Variants in TMEM68 observed in about 807,000 individuals in gnomAD.
The protein encoded by TMEM68 is transmembrane protein 68.
Under a neutral mutation model 36.9 loss-of-function variants are expected in TMEM68, and 25 were observed. That is an observed-to-expected ratio of 0.68 (90% CI 0.49 to 0.95). The LOEUF (loss-of-function observed/expected upper bound fraction) is 0.95, where lower values mean the gene tolerates loss of function less well. TMEM68 is among the 40% of genes least tolerant of loss of function. TMEM68 has a pLI of 0.00. For missense variants in TMEM68, 333 were observed against 392.0 expected (o/e 0.85, Z 1.27); for synonymous variants, 131 against 124.4 (o/e 1.05, Z -0.35).
At chr8:55,747,257 G>A (rs11989392) in intron 5 of TMEM68, 91,079 of 151,958 alleles carry the variant, frequency 0.6, 27,555 homozygotes, top group Admixed American at 0.65. Flanking sequence ...ACCTACTCGG[G>A]AGGCTGAGGC....
intron 1 of TMEM68, among the ~76,000 whole-genome samples, chr8:55,769,266 A>T (rs1811076341): frequency 2.1e-5 from 3 of 144,852 alleles, no homozygotes; most frequent in African/African-American, 2.5e-5. Context: ...GAGGTTATAT[A>T]AGCCGAGATT....
chr8:55,761,602 T>C (rs1053266102), intron 3 of TMEM68: 1 of 152,234 alleles, frequency 6.6e-6, no homozygotes, highest in East Asian at 1.9e-4. Flanking sequence ...GGGTACCACA[T>C]AGACTCCATT....
At chr8:55,769,018 T>TTAAAAA (rs1554556017) in intron 1 of TMEM68, among the ~76,000 whole-genome samples, 4 of 82,090 alleles carry the variant, frequency 4.9e-5, no homozygotes, top group Admixed American at 1.3e-4. Context: ...ACTCTGTCTT[T>TTAAAAA]AAAAAAAAAA....
chr8:55,744,966 A>G, intron 6 of TMEM68, 95 bp downstream of exon 6: 1 of 733,212 alleles, frequency 1.4e-6, no homozygotes, highest in Non-Finnish European at 2.0e-6. Flanking sequence ...CCATTTTCTA[A>G]AGATAATAAT....
At chr8:55,762,477 T>C (rs1173349754) in intron 3 of TMEM68, 158 bp downstream of exon 3, 2 of 1,375,984 alleles carry the variant, frequency 1.5e-6, no homozygotes, top group South Asian at 3.0e-5. Context: ...GAAAGACACA[T>C]ACATATGCAC....
At position 55,739,653 on chromosome 8, in the gene TMEM68, A is replaced by T. The variant is rs1428500317; in HGVS notation, c.*479T>A. ...CATACGATCATGTTTTTAAAAAGTG[A>T]ATTGTTGAGGCACAAAAACATTACG... On this transcript the variant is annotated 3_prime_UTR_variant, in exon 8 of 8. Transcript: ENST00000434581. The T allele has an allele frequency of 6.6e-6, 1 of 152,632 alleles. No homozygotes were observed. The highest frequency in any genetic ancestry group is 6.5e-5 in the Admixed American group (1 of 15,278). The allele number at this position is 152,632 out of a possible 1,614,324, so 9.5% of individuals were successfully genotyped here.
chr8:55,756,832 G>C (rs1420522622), intron 3 of TMEM68, among the ~76,000 whole-genome samples: 1 of 152,128 alleles, frequency 6.6e-6, no homozygotes, highest in African/African-American at 2.4e-5. Flanking sequence ...TGAAATGGGG[G>C]CATCCACAAC....
rs1403070672 is a variant in TMEM68, at chr8:55,739,908, G to A, written c.*224C>T. ...TAAATTGTTAGGAATTTACAAATAAGACATCTTTTTCTGAATTACTAGGTG... is the reference window on the plus strand; with the variant it reads ...TAAATTGTTAGGAATTTACAAATAAAACATCTTTTTCTGAATTACTAGGTG... On this transcript the variant is annotated 3_prime_UTR_variant, in exon 8 of 8. Transcript: ENST00000434581. 1.1e-5 allele frequency: 5 copies of A among 456,180 alleles called. No individual in the cohort carries two copies. The highest frequency in any genetic ancestry group is 1.0e-4 in the African/African-American group (5 of 49,406). 28.3% of individuals were successfully genotyped at this position (456,180 alleles called of 1,614,324 possible).
At chr8:55,764,182 T>C (rs1296004949) in intron 1 of TMEM68, among the ~76,000 whole-genome samples, 1 of 152,230 alleles carries the variant, frequency 6.6e-6, no homozygotes, top group Admixed American at 6.5e-5. Flanking sequence ...AAGACAACTC[T>C]ACACTGTTTA....
chr8:55,743,199 T>C (rs1810157799), intron 7 of TMEM68, among the ~76,000 whole-genome samples: 1 of 152,146 alleles, frequency 6.6e-6, no homozygotes, highest in Non-Finnish European at 1.5e-5. Flanking sequence ...CAAAAACCTA[T>C]GCATAGGAAT....
At chr8:55,755,361 G>C (rs1271063809) in intron 4 of TMEM68, among the ~76,000 whole-genome samples, 1 of 151,620 alleles carries the variant, frequency 6.6e-6, no homozygotes, top group East Asian at 1.9e-4. Flanking sequence ...CTGCCTTCCG[G>C]GTTCAAGTGA....
At chr8:55,754,808 ATTTATATT>A in intron 4 of TMEM68, among the ~76,000 whole-genome samples, 3 of 121,872 alleles carry the variant, frequency 2.5e-5, no homozygotes, top group Admixed American at 9.9e-5. Context: ...TATAATATAT[ATTTATATT>A]ATATATAAAA....
intron 1 of TMEM68, among the ~76,000 whole-genome samples, chr8:55,771,027 T>C (rs934925906): frequency 8.6e-5 from 13 of 152,016 alleles, no homozygotes; most frequent in African/African-American, 2.9e-4. Context: ...TGGTGGCGCA[T>C]GCCTGTAAAC....
chr8:55,771,571 C>G (rs1215227755), intron 1 of TMEM68, among the ~76,000 whole-genome samples: 1 of 152,030 alleles, frequency 6.6e-6, no homozygotes, highest in East Asian at 1.9e-4. Flanking sequence ...GAGCCGCGAT[C>G]GCGCCACTAC....
chr8:55,765,244 A>G (rs1810928021), intron 1 of TMEM68, among the ~76,000 whole-genome samples: 3 of 152,150 alleles, frequency 2.0e-5, no homozygotes, highest in Admixed American at 2.0e-4. Flanking sequence ...CTCTTCCATT[A>G]AACAACCTTG....
At chr8:55,754,944 TACACACACACACAC>T (rs71256561) in intron 4 of TMEM68, among the ~76,000 whole-genome samples, 7 of 134,896 alleles carry the variant, frequency 5.2e-5, no homozygotes, top group Admixed American at 8.5e-5. Context: ...TATATATTTA[TACACACACACACAC>T]ACACACACAC....
chr8:55,769,584 G>C (rs1049552112), intron 1 of TMEM68, among the ~76,000 whole-genome samples: 1 of 152,070 alleles, frequency 6.6e-6, no homozygotes. Flanking sequence ...CTGGCACATA[G>C]TAGGCACCTA....
chr8:55,765,913 TTAGCACCTATG>T (rs530972256), intron 1 of TMEM68, among the ~76,000 whole-genome samples: 163 of 152,314 alleles, frequency 1.1e-3, no homozygotes, highest in African/African-American at 3.7e-3. Flanking sequence ...AAAGACCTAT[TTAGCACCTATG>T]TACCCTAATA....
intron 3 of TMEM68, among the ~76,000 whole-genome samples, chr8:55,757,629 T>C (rs1810647062): frequency 1.3e-5 from 2 of 152,168 alleles, no homozygotes; most frequent in South Asian, 4.1e-4. Flanking sequence ...GCAAAAGGCA[T>C]GTAATGCTGG....
Sources: allele counts gnomAD v4.1 joint callset (sites outside exome capture counted in the v4.1 genomes callset), GRCh38; gene constraint gnomAD v4.1.1; transcripts MANE v1.5; gene names NCBI Gene and HGNC (gene_info 2026-07-23, HGNC 2026-07-21).